Variants in PRIM2 observed in about 807,000 individuals in gnomAD.
PRIM2 encodes DNA primase large subunit.
PRIM2 carries 39 observed loss-of-function variants against 67.3 expected under a neutral mutation model. The observed-to-expected ratio is 0.58, with a 90% CI of 0.45 to 0.76. PRIM2 has a LOEUF of 0.76. Among genes scored for constraint, PRIM2 ranks in the 30% least tolerant of loss-of-function variants. PRIM2 has a pLI of 0.00. For missense variants in PRIM2, 398 were observed against 598.7 expected, an observed-to-expected ratio of 0.66 and a Z score of 3.50; for synonymous variants, 143 against 198.7, an observed-to-expected ratio of 0.72 and a Z score of 2.36.
intron 7 of PRIM2, among the ~76,000 whole-genome samples, chr6:57,467,687 G>C (rs1773238870): frequency 6.6e-6 from 1 of 152,074 alleles, no homozygotes; most frequent in African/African-American, 2.4e-5. Context: ...GCTTGATGAG[G>C]ATAGCATTGA....
At chr6:57,345,474 A>ATGTGTGTGTGTGTGTGTGTG (rs754685184) in intron 5 of PRIM2, among the ~76,000 whole-genome samples, 8 of 124,592 alleles carry the variant, frequency 6.4e-5, no homozygotes, top group African/African-American at 1.9e-4. Context: ...ATATATATAT[A>ATGTGTGTGTGTGTGTGTGTG]TGTGTGTGTG....
intron 12 of PRIM2, among the ~76,000 whole-genome samples, chr6:57,609,257 G>A (rs1168336183): frequency 2.2e-4 from 33 of 152,296 alleles, no homozygotes; most frequent in African/African-American, 7.2e-4. Flanking sequence ...CCAAAGAATG[G>A]TGACAGAGAA....
intron 10 of PRIM2, among the ~76,000 whole-genome samples, chr6:57,540,369 G>A (rs1461731567): frequency 6.6e-6 from 1 of 152,050 alleles, no homozygotes; most frequent in Non-Finnish European, 1.5e-5. Flanking sequence ...TGAAGACCTG[G>A]GAGAGCCAAT....
At chr6:57,288,180 CAGT>C in the PRIM2 span, among the ~76,000 whole-genome samples, 1 of 152,180 alleles carries the variant, frequency 6.6e-6, no homozygotes, top group African/African-American at 2.4e-5. Flanking sequence ...GTTAGCGCAG[CAGT>C]CTGTGATCAA....
At chr6:57,325,323 A>G (rs1354757084) in intron 4 of PRIM2, among the ~76,000 whole-genome samples, 4 of 124,000 alleles carry the variant, frequency 3.2e-5, no homozygotes, top group South Asian at 2.4e-4. Flanking sequence ...TTTTTGAGCT[A>G]GGGTCTCATG....
chr6:57,247,244 C>G, the PRIM2 span, among the ~76,000 whole-genome samples: 1 of 152,166 alleles, frequency 6.6e-6, no homozygotes, highest in African/African-American at 2.4e-5. Flanking sequence ...TTCAGGCTAG[C>G]CCTCCTTCAT....
At chr6:57,340,262 T>C (rs1218706791) in intron 5 of PRIM2, among the ~76,000 whole-genome samples, 1 of 152,250 alleles carries the variant, frequency 6.6e-6, no homozygotes, top group Non-Finnish European at 1.5e-5. Flanking sequence ...TTGGTGGGAC[T>C]GTAAACTAGT....
At chr6:57,610,075 T>G (rs1451522943) in intron 12 of PRIM2, among the ~76,000 whole-genome samples, 76 of 152,320 alleles carry the variant, frequency 5.0e-4, no homozygotes, top group African/African-American at 1.8e-3. Context: ...CGATGTTTTT[T>G]TAAAATTTTT....
the PRIM2 span, among the ~76,000 whole-genome samples, chr6:57,255,098 G>A: frequency 0.036 from 5,459 of 152,174 alleles, 329 homozygotes; most frequent in African/African-American, 0.12. Flanking sequence ...GCTTGGTCCG[G>A]AAACAGTTTG....
At chr6:57,252,830 T>C in the PRIM2 span, among the ~76,000 whole-genome samples, 1 of 152,266 alleles carries the variant, frequency 6.6e-6, no homozygotes, top group African/African-American at 2.4e-5. Flanking sequence ...TCTGTTCTTT[T>C]CCAATCCTTG....
intron 7 of PRIM2, among the ~76,000 whole-genome samples, chr6:57,397,035 G>C (rs1289259034): frequency 1.3e-5 from 2 of 152,164 alleles, no homozygotes; most frequent in Non-Finnish European, 2.9e-5. Context: ...TGAGAAATCT[G>C]CTGTTAATCT....
intron 7 of PRIM2, among the ~76,000 whole-genome samples, chr6:57,416,520 G>A (rs1771267537): frequency 6.6e-6 from 1 of 152,118 alleles, no homozygotes; most frequent in Non-Finnish European, 1.5e-5. Flanking sequence ...CCCTAACAAG[G>A]GAATGAGCCT....
upstream of PRIM2, among the ~76,000 whole-genome samples, chr6:57,311,615 C>T (rs1767393846): frequency 6.6e-6 from 1 of 152,172 alleles, no homozygotes; most frequent in South Asian, 2.1e-4. Context: ...CTGCTCACTT[C>T]CTAGACGGGG....
the PRIM2 span, among the ~76,000 whole-genome samples, chr6:57,241,155 C>T: frequency 6.7e-6 from 1 of 148,176 alleles, no homozygotes; most frequent in African/African-American, 2.5e-5. Context: ...ACCCAGGAGG[C>T]GGAGCTTGCA....
At chr6:57,491,625 A>G (rs1459751356) in intron 7 of PRIM2, among the ~76,000 whole-genome samples, 2 of 152,200 alleles carry the variant, frequency 1.3e-5, no homozygotes, top group Non-Finnish European at 2.9e-5. Context: ...TTTTCTAACA[A>G]TAACATATAA....
chr6:57,577,453 G>A (rs1775984865), intron 10 of PRIM2, among the ~76,000 whole-genome samples: 1 of 135,782 alleles, frequency 7.4e-6, no homozygotes, highest in South Asian at 2.3e-4. Flanking sequence ...TTTTTGAGAC[G>A]GAGTGTCACT....
chr6:57,367,759 C>T (rs1769410346), intron 5 of PRIM2, among the ~76,000 whole-genome samples: 1 of 152,192 alleles, frequency 6.6e-6, no homozygotes, highest in Non-Finnish European at 1.5e-5. Context: ...TCCATGTGAT[C>T]CCTCAAACGA....
the PRIM2 span, among the ~76,000 whole-genome samples, chr6:57,286,270 A>G: frequency 2.0e-5 from 3 of 152,244 alleles, no homozygotes; most frequent in Admixed American, 6.5e-5. Flanking sequence ...TACATTTCAT[A>G]TAAAACCAAA....
chr6:57,330,348 G>GTTTTTTTTTTTTTTTTTTTTTTTTTTTT (rs1238317111), intron 5 of PRIM2, among the ~76,000 whole-genome samples: 22 of 87,816 alleles, frequency 2.5e-4, no homozygotes, highest in Admixed American at 4.8e-4. Context: ...TGCTGAACTT[G>GTTTTTTTTTTTTTTTTTTTTTTTTTTTT]TTTTTTTTTT....
Sources: allele counts gnomAD v4.1 joint callset (sites outside exome capture counted in the v4.1 genomes callset), GRCh38; gene constraint gnomAD v4.1.1; transcripts MANE v1.5; gene names NCBI Gene and HGNC (gene_info 2026-07-23, HGNC 2026-07-21).